Variants in LINGO1 observed in about 807,000 individuals in gnomAD.
LINGO1 encodes the protein leucine-rich repeat and immunoglobulin-like domain-containing nogo receptor-interacting protein 1.
In LINGO1, 11 loss-of-function variants were observed where a neutral mutation model predicts 37.3. That is an observed-to-expected ratio of 0.29 (90% CI 0.19 to 0.49). The LOEUF (loss-of-function observed/expected upper bound fraction) is 0.49. LINGO1 is among the 20% of genes least tolerant of loss of function. LINGO1 has a pLI of 0.99. For missense variants in LINGO1, 585 were observed against 878.2 expected (o/e 0.67, Z 4.22); for synonymous variants, 387 against 403.0 (o/e 0.96, Z 0.48).
intron 1 of LINGO1, among the ~76,000 whole-genome samples, chr15:77,630,713 T>G (rs941408931): frequency 3.9e-5 from 6 of 151,934 alleles, no homozygotes; most frequent in African/African-American, 1.5e-4. Context: ...GGCTCACACT[T>G]AAATTGTCAG....
intron 1 of LINGO1, among the ~76,000 whole-genome samples, chr15:77,796,447 C>T (rs1249653774): frequency 2.0e-5 from 3 of 152,238 alleles, no homozygotes; most frequent in Non-Finnish European, 4.4e-5. Context: ...AAAGCCACTT[C>T]TCTTATCCAT....
At chr15:77,819,390 G>A (rs2077078356) in intron 1 of LINGO1, 1 of 151,420 alleles carries the variant, frequency 6.6e-6, no homozygotes, top group Non-Finnish European at 1.5e-5. Flanking sequence ...CCGCGATGGT[G>A]GCCGCGGCGG....
At chr15:77,812,496 G>A (rs2077013682) in intron 1 of LINGO1, among the ~76,000 whole-genome samples, 1 of 152,146 alleles carries the variant, frequency 6.6e-6, no homozygotes, top group Non-Finnish European at 1.5e-5. Flanking sequence ...GGAGGAGGTG[G>A]GCAAAAGCTC....
intron 1 of LINGO1, among the ~76,000 whole-genome samples, chr15:77,786,467 C>T (rs2141436331): frequency 6.6e-6 from 1 of 152,350 alleles, no homozygotes; most frequent in Non-Finnish European, 1.5e-5. Flanking sequence ...GTCCCCAACC[C>T]CAGGCCTCTG....
At chr15:77,737,563 C>A (rs2076215447) in intron 1 of LINGO1, among the ~76,000 whole-genome samples, 1 of 152,122 alleles carries the variant, frequency 6.6e-6, no homozygotes, top group Non-Finnish European at 1.5e-5. Flanking sequence ...CAAGAGCTAT[C>A]TCTACTGTCT....
intron 1 of LINGO1, among the ~76,000 whole-genome samples, chr15:77,620,975 C>A (rs1193218806): frequency 6.6e-6 from 1 of 152,160 alleles, no homozygotes; most frequent in Non-Finnish European, 1.5e-5. Flanking sequence ...GCATCCTCTA[C>A]AGGCTCATCC....
At chr15:77,760,243 A>T (rs2076461793) in intron 1 of LINGO1, among the ~76,000 whole-genome samples, 1 of 152,104 alleles carries the variant, frequency 6.6e-6, no homozygotes, top group Admixed American at 6.5e-5. Flanking sequence ...GCCCAGGCTG[A>T]ATATGGAGAG....
chr15:77,632,272 C>T lies in LINGO1; in HGVS notation c.6+38G>A. ...GCCCCCAGGGGCACTCGCCGCGGGG[C>T]TGCCCGCTCGGGGCTCGGCCGCGGC... On this transcript the variant is annotated intron_variant, in intron 1 of 1. Coordinates refer to ENST00000355300, the MANE Select transcript of LINGO1 (RefSeq NM_032808.7). The surrounding 1 kb of genome is among the most constrained non-coding windows in gnomAD (Gnocchi z 6.0). 2.2e-6 allele frequency: 3 copies of T among 1,394,202 alleles called. No individual in the cohort carries two copies. Among genetic ancestry groups the T allele is most frequent in the Non-Finnish European group, 2.8e-6 (3 of 1,076,360 alleles). 86.4% of individuals were successfully genotyped at this position (1,394,202 alleles called of 1,614,324 possible). A position where few individuals can be genotyped will look rare whatever the true frequency, so the allele number is the denominator to read the frequency against.
intron 1 of LINGO1, among the ~76,000 whole-genome samples, chr15:77,756,219 T>C (rs2076417291): frequency 6.6e-6 from 1 of 152,172 alleles, no homozygotes; most frequent in Admixed American, 6.5e-5. Context: ...TCCCTCCTCC[T>C]GTGATCGCAG....
chr15:77,652,483 A>AGTGTGTGTGTGTGT (rs773433884), intron 3 of LINGO1, among the ~76,000 whole-genome samples: 3,233 of 128,878 alleles, frequency 0.025, 88 homozygotes, highest in East Asian at 0.031. Context: ...GGGGAGGGAG[A>AGTGTGTGTGTGTGT]GTGTGTGTGT....
intron 1 of LINGO1, among the ~76,000 whole-genome samples, chr15:77,694,175 G>T (rs2075651503): frequency 6.6e-6 from 1 of 152,150 alleles, no homozygotes; most frequent in Non-Finnish European, 1.5e-5. Flanking sequence ...ACTGAAGCGG[G>T]TGTTACAGAG....
chr15:77,760,777 G>A (rs1006692342), intron 1 of LINGO1, among the ~76,000 whole-genome samples: 15 of 152,158 alleles, frequency 9.9e-5, no homozygotes, highest in Admixed American at 6.5e-4. Flanking sequence ...GGAGGAATAA[G>A]TGAGTACATC....
At chr15:77,689,519 C>A (rs1339216908) in intron 2 of LINGO1, among the ~76,000 whole-genome samples, 2 of 152,220 alleles carry the variant, frequency 1.3e-5, no homozygotes, top group African/African-American at 2.4e-5. Context: ...GGCCACCTCA[C>A]CTGGGCCATC....
chr15:77,706,827 A>C (rs2075858460), intron 2 of LINGO1, among the ~76,000 whole-genome samples: 1 of 152,232 alleles, frequency 6.6e-6, no homozygotes, highest in African/African-American at 2.4e-5. Flanking sequence ...GTCCTCAAGA[A>C]GCAGGAATCC....
intron 1 of LINGO1, among the ~76,000 whole-genome samples, chr15:77,766,943 G>GAAA (rs2076536006): frequency 6.2e-5 from 1 of 16,150 alleles, no homozygotes; most frequent in Non-Finnish European, 2.2e-4. Context: ...CCAGAAAGAG[G>GAAA]AGAAGATTTT....
chr15:77,613,756 T>C lies in LINGO1; in HGVS notation c.*288A>G. ...AGTTACAGAGAAAGTTCGTAACTTT[T>C]TTATTGAATTATTGACTCTGCCGCG... On this transcript the variant is annotated 3_prime_UTR_variant, in exon 2 of 2. Transcript: ENST00000355300. 2.5e-6 allele frequency: 1 copy of C among 398,864 alleles called. No individual in the cohort carries two copies. Among genetic ancestry groups the C allele is most frequent in the Non-Finnish European group, 4.5e-6 (1 of 223,028 alleles). 24.7% of individuals were successfully genotyped at this position (398,864 alleles called of 1,614,324 possible).
intron 1 of LINGO1, among the ~76,000 whole-genome samples, chr15:77,738,397 C>T (rs1411815896): frequency 6.6e-6 from 1 of 152,276 alleles, no homozygotes; most frequent in East Asian, 1.9e-4. Context: ...CCATAATTGG[C>T]CTCCTTCCCA....
At chr15:77,684,443 A>G (rs1315601806) in intron 2 of LINGO1, among the ~76,000 whole-genome samples, 1 of 152,200 alleles carries the variant, frequency 6.6e-6, no homozygotes, top group African/African-American at 2.4e-5. Context: ...AGTGCTTGGC[A>G]CACAGGGCTG....
chr15:77,682,998 T>G (rs761245824), intron 2 of LINGO1, among the ~76,000 whole-genome samples: 22 of 152,130 alleles, frequency 1.4e-4, no homozygotes, highest in Admixed American at 2.6e-4. Context: ...GACAAAGTTT[T>G]TAAATTCCTA....
Sources: gnomAD v4.1 joint callset for allele counts (sites outside exome capture counted in the v4.1 genomes callset) on GRCh38, gnomAD v4.1.1 for gene constraint, Gnocchi (gnomAD v3.1) non-coding constraint, MANE v1.5 for transcripts, NCBI Gene and HGNC (gene_info 2026-07-23, HGNC 2026-07-21) for gene names.